The following GLRX3 variants were observed in gnomAD, a reference collection of about 807,000 sequenced individuals.
GLRX3 encodes the protein glutaredoxin-3.
In GLRX3, 22 loss-of-function variants were observed where a neutral mutation model predicts 49.5. That is an observed-to-expected ratio of 0.44 (90% CI 0.32 to 0.63). The LOEUF is 0.63. Ranked by LOEUF, GLRX3 falls within the 30% of genes least tolerant of loss-of-function variation. The probability of loss-of-function intolerance (pLI) is 0.05; values close to 1 mark genes in which losing one functional copy is unlikely to be tolerated. For missense variants in GLRX3, 385 were observed against 396.3 expected, an observed-to-expected ratio of 0.97 and a Z score of 0.24; for synonymous variants, 133 against 140.0, an observed-to-expected ratio of 0.95 and a Z score of 0.35.
At chr10:130,141,048 T>C (rs1459090560) in intron 1 of GLRX3, among the ~76,000 whole-genome samples, 1 of 152,218 alleles carries the variant, frequency 6.6e-6, no homozygotes, top group African/African-American at 2.4e-5. Flanking sequence ...TAAACAGTCC[T>C]TTTGTTGGCT....
rs2134928407 is a variant in GLRX3, at chr10:130,174,914, C to G, written c.864+8C>G. 6.3e-7 allele frequency: 1 copy of G among 1,596,002 alleles called. No homozygotes were observed. Among genetic ancestry groups the G allele is most frequent in the Non-Finnish European group, 8.6e-7 (1 of 1,163,582 alleles). On this transcript the variant is annotated splice_region_variant and intron_variant, in intron 9 of 10. Transcript: ENST00000331244. ...ATATTGGAGGATGAAGAAGTAAGTT[C>G]TGTGTTTGATGTTTCACCCTTGTCT...
At chr10:130,156,221 T>C (rs1431448000) in intron 2 of GLRX3, among the ~76,000 whole-genome samples, 2 of 152,192 alleles carry the variant, frequency 1.3e-5, no homozygotes, top group African/African-American at 4.8e-5. Context: ...TTGCTCTCTG[T>C]TCCCAAGATG....
intron 1 of GLRX3, among the ~76,000 whole-genome samples, chr10:130,142,978 T>C (rs1862203112): frequency 6.6e-6 from 1 of 152,220 alleles, no homozygotes; most frequent in Non-Finnish European, 1.5e-5. Flanking sequence ...TGTTCCTTTC[T>C]TGATTCCCAA....
chr10:130,170,427 C>G (rs1306736849), intron 7 of GLRX3, among the ~76,000 whole-genome samples: 2 of 152,086 alleles, frequency 1.3e-5, no homozygotes, highest in Non-Finnish European at 2.9e-5. Context: ...TATAATGAAG[C>G]TAATTAGTTA....
intron 1 of GLRX3, 80 bp from the exon 2 acceptor site, chr10:130,145,131 C>A: frequency 1.8e-6 from 1 of 570,818 alleles, no homozygotes; most frequent in East Asian, 2.9e-5. Flanking sequence ...TCTTTTTTTT[C>A]TTTTTGGTAA....
At chr10:130,136,836 C>T (rs1035185605) in intron 1 of GLRX3, among the ~76,000 whole-genome samples, 2 of 152,108 alleles carry the variant, frequency 1.3e-5, no homozygotes, top group Non-Finnish European at 2.9e-5. Flanking sequence ...GGCCCCGCCG[C>T]GGGACGGAGG....
intron 2 of GLRX3, among the ~76,000 whole-genome samples, chr10:130,148,712 G>A (rs186910472): frequency 6.6e-6 from 1 of 151,904 alleles, no homozygotes; most frequent in Admixed American, 6.6e-5. Flanking sequence ...GAAAGACAAG[G>A]TTTTCATATT....
chr10:130,145,387 G>A (rs897273220), intron 2 of GLRX3, 68 bp downstream of exon 2: 1 of 792,218 alleles, frequency 1.3e-6, no homozygotes, highest in Non-Finnish European at 2.2e-6. Context: ...TTAGGGCTGG[G>A]TGCGGTAGCT....
Position 130,176,792 on chromosome 10 carries a change from CTATA to C in GLRX3, c.957+1716_957+1719del, listed in dbSNP as rs371839893. 2.2e-3 allele frequency among the ~76,000 whole-genome samples: 292 copies of C among 131,266 alleles called. 3 individuals carry two copies. Among genetic ancestry groups the C allele is most frequent in the African/African-American group, 7.4e-3 (252 of 34,278 alleles). The allele number at this position is 131,266 out of a possible 152,430, so 86.1% of individuals were successfully genotyped here. ...TCCCTCTTTCTCTCTCTCTCTCTCT[CTATA>C]TATATATATATAGTCTTATTTTTGT... On this transcript the variant is annotated intron_variant, in intron 10 of 10. Coordinates refer to ENST00000331244, the MANE Select transcript of GLRX3 (RefSeq NM_006541.5).
At chr10:130,156,012 G>A (rs1346347268) in intron 2 of GLRX3, among the ~76,000 whole-genome samples, 1 of 152,228 alleles carries the variant, frequency 6.6e-6, no homozygotes. Flanking sequence ...GGAACATGGT[G>A]TAGGGAGGCG....
chr10:130,139,971 A>T (rs1862143339), intron 1 of GLRX3, among the ~76,000 whole-genome samples: 1 of 152,198 alleles, frequency 6.6e-6, no homozygotes, highest in Non-Finnish European at 1.5e-5. Context: ...GTGTTGATGT[A>T]ATAATTTTAA....
At chr10:130,168,697 TC>T (rs1862743869) in intron 6 of GLRX3, among the ~76,000 whole-genome samples, 1 of 152,176 alleles carries the variant, frequency 6.6e-6, no homozygotes. Context: ...TCCACCTGCC[TC>T]AGCCTCCCAA....
intron 2 of GLRX3, among the ~76,000 whole-genome samples, chr10:130,152,902 A>T (rs1007494854): frequency 6.6e-6 from 1 of 152,012 alleles, no homozygotes; most frequent in African/African-American, 2.4e-5. Context: ...GTGTTTCCTA[A>T]CTTGGTTCCA....
At chr10:130,161,710 G>A (rs994194387) in intron 4 of GLRX3, among the ~76,000 whole-genome samples, 2 of 152,184 alleles carry the variant, frequency 1.3e-5, no homozygotes, top group Non-Finnish European at 2.9e-5. Flanking sequence ...TACAACATTA[G>A]TATGCTGCAT....
intron 4 of GLRX3, among the ~76,000 whole-genome samples, chr10:130,164,717 G>A (rs1246747955): frequency 6.6e-6 from 1 of 152,134 alleles, no homozygotes; most frequent in Non-Finnish European, 1.5e-5. Flanking sequence ...AACATTTCTA[G>A]TCTGCCACTT....
At chr10:130,157,191 G>T (rs969689214) in intron 2 of GLRX3, among the ~76,000 whole-genome samples, 1 of 152,020 alleles carries the variant, frequency 6.6e-6, no homozygotes, top group Non-Finnish European at 1.5e-5. Context: ...GGAGAACTAG[G>T]GAAGCTGGTG....
At chr10:130,171,269 C>T (rs1862802039) in intron 7 of GLRX3, among the ~76,000 whole-genome samples, 1 of 152,112 alleles carries the variant, frequency 6.6e-6, no homozygotes, top group South Asian at 2.1e-4. Flanking sequence ...AAACAATGAA[C>T]TCAAATCTCT....
intron 2 of GLRX3, 91 bp downstream of exon 2, chr10:130,145,410 C>T (rs1325880284): frequency 4.7e-6 from 3 of 638,368 alleles, no homozygotes; most frequent in Non-Finnish European, 8.7e-6. Flanking sequence ...CACCTGTAAT[C>T]CCAGCACTTT....
chr10:130,180,307 T>TA (rs1863000093), downstream of GLRX3: 1 of 152,180 alleles, frequency 6.6e-6, no homozygotes, highest in African/African-American at 2.4e-5. Flanking sequence ...CCTCCCAAAG[T>TA]GCTGGAATTT....
Sources: gnomAD v4.1 joint callset for allele counts (sites outside exome capture counted in the v4.1 genomes callset) on GRCh38, gnomAD v4.1.1 for gene constraint, MANE v1.5 for transcripts, NCBI Gene and HGNC (gene_info 2026-07-23, HGNC 2026-07-21) for gene names.